Variants in CWF19L2 observed in about 807,000 individuals in gnomAD.
CWF19L2 encodes the protein CWF19 like cell cycle control factor 2.
In CWF19L2, 98 loss-of-function variants were observed where a neutral mutation model predicts 111.7. The observed-to-expected ratio is 0.88, with a 90% CI of 0.75 to 1.04. CWF19L2 has a LOEUF of 1.04. CWF19L2 is among the 50% of genes least tolerant of loss of function. CWF19L2 has a pLI of 0.00. For synonymous variants in CWF19L2, 351 were observed against 342.9 expected, an observed-to-expected ratio of 1.02 and a Z score of -0.26; for missense variants, 1,101 against 1,051.4, an observed-to-expected ratio of 1.05 and a Z score of -0.65.
intron 14 of CWF19L2, among the ~76,000 whole-genome samples, chr11:107,343,778 C>T (rs1442402080): frequency 6.6e-6 from 1 of 152,146 alleles, no homozygotes; most frequent in African/African-American, 2.4e-5. Context: ...ATTACATATA[C>T]ATACATATAT....
At chr11:107,419,306 A>T (rs1304322868) in intron 8 of CWF19L2, among the ~76,000 whole-genome samples, 3 of 152,214 alleles carry the variant, frequency 2.0e-5, no homozygotes, top group Admixed American at 6.5e-5. Context: ...TTAAAACAAA[A>T]GTTAAAAGGA....
chr11:107,433,488 TA>T (rs1277736413), intron 7 of CWF19L2, 145 bp downstream of exon 7: 6 of 336,064 alleles, frequency 1.8e-5, no homozygotes, highest in Non-Finnish European at 3.3e-5. Flanking sequence ...ACATGTTTAA[TA>T]ATAATGAAAA....
Position 107,429,311 on chromosome 11 carries a change from T to G in CWF19L2, c.921A>C (p.Leu307Phe). 1 of 1,612,024 alleles carries G rather than the reference T, an allele frequency of 6.2e-7. No homozygotes were observed. The highest frequency in any genetic ancestry group is 8.5e-7 in the Non-Finnish European group (1 of 1,178,888). Residue 307 changes from leucine to phenylalanine, a missense_variant, in exon 8 of 18, where the codon TTA becomes TTC. Physicochemically the swap from Leu to Phe is conservative, Grantham distance 22. Transcript: ENST00000282251. ...CCCTTGAACTGTTACCATATTTTACTAAGTCTGATTCTCTACTTTCTTGAC... is the reference window on the plus strand; with the variant it reads ...CCCTTGAACTGTTACCATATTTTACGAAGTCTGATTCTCTACTTTCTTGAC... Reference protein sequence around the residue: ...QNCQESRESDLVKYGNSSRDR... With the variant: ...QNCQESRESDFVKYGNSSRDR...
intron 6 of CWF19L2, 37 bp from the exon 7 acceptor site, chr11:107,433,786 T>C: frequency 1.0e-6 from 1 of 987,312 alleles, no homozygotes; most frequent in Non-Finnish European, 1.5e-6. Context: ...ATACTTTTAA[T>C]GTGGTTATCA....
At chr11:107,423,354 T>C (rs1172394223) in intron 8 of CWF19L2, among the ~76,000 whole-genome samples, 2 of 152,016 alleles carry the variant, frequency 1.3e-5, no homozygotes, top group African/African-American at 2.4e-5. Context: ...TGTGGAATTA[T>C]AGATATTACA....
chr11:107,397,369 T>G (rs1379014524), intron 10 of CWF19L2, among the ~76,000 whole-genome samples: 1 of 152,072 alleles, frequency 6.6e-6, no homozygotes, highest in Non-Finnish European at 1.5e-5. Context: ...GCATGGGAGC[T>G]GGGTGAGGCC....
At chr11:107,333,058 C>A (rs972888082) in intron 16 of CWF19L2, among the ~76,000 whole-genome samples, 2 of 148,780 alleles carry the variant, frequency 1.3e-5, no homozygotes, top group African/African-American at 5.0e-5. Context: ...GTGGAGTGAT[C>A]GTCACTGGGC....
intron 5 of CWF19L2, among the ~76,000 whole-genome samples, chr11:107,440,841 C>G (rs141482194): frequency 6.6e-6 from 1 of 151,968 alleles, no homozygotes; most frequent in Non-Finnish European, 1.5e-5. Flanking sequence ...CAGATAAATG[C>G]GAACAAAAAC....
chr11:107,349,352 A>G (rs975245939), intron 13 of CWF19L2, among the ~76,000 whole-genome samples: 3 of 152,200 alleles, frequency 2.0e-5, no homozygotes, highest in Non-Finnish European at 4.4e-5. Flanking sequence ...AGCAGAATGA[A>G]TGACACAATA....
At chr11:107,406,324 T>C (rs949364868) in intron 10 of CWF19L2, among the ~76,000 whole-genome samples, 1 of 147,084 alleles carries the variant, frequency 6.8e-6, no homozygotes, top group Non-Finnish European at 1.5e-5. Flanking sequence ...TTTCAACTTT[T>C]ATCTTTTAAA....
At chr11:107,349,138 G>C (rs1458583841) in intron 13 of CWF19L2, 85 bp from the exon 14 acceptor site, 1 of 543,984 alleles carries the variant, frequency 1.8e-6, no homozygotes, top group African/African-American at 2.0e-5. Flanking sequence ...ATTCTCAGTT[G>C]TAACAGATGA....
chr11:107,418,350 A>C lies in CWF19L2; in HGVS notation c.1434-63T>G. The C allele has an allele frequency of 1.3e-5, 13 of 1,023,878 alleles. No individual in the cohort carries two copies. The South Asian group carries it at 1.6e-4, about 13-fold the overall frequency. The allele number at this position is 1,023,878 out of a possible 1,614,324, so 63.4% of individuals were successfully genotyped here. ...AGGTGCGATGCAAGCAATAACATCA[A>C]GACTCAAATGTTATTTTAACTGACC... On this transcript the variant is annotated intron_variant, in intron 8 of 17. Coordinates refer to ENST00000282251, the MANE Select transcript of CWF19L2 (RefSeq NM_152434.3).
chr11:107,327,071 A>G lies in CWF19L2; in HGVS notation c.2542-18T>C, dbSNP rs1859772804. On this transcript the variant is annotated intron_variant, in intron 17 of 17. Transcript: ENST00000282251. Reference sequence around the variant, plus strand: ...ATGATTTCCTTTTAAAGAAAGAGAAAAGCACAAACACAAGCATGTATAAAT... The same window carrying G: ...ATGATTTCCTTTTAAAGAAAGAGAAGAGCACAAACACAAGCATGTATAAAT... 6.3e-7 allele frequency: 1 copy of G among 1,577,042 alleles called. No homozygotes were observed. Among genetic ancestry groups the G allele is most frequent in the East Asian group, 2.3e-5 (1 of 43,970 alleles).
chr11:107,343,140 G>A (rs1860029521), intron 14 of CWF19L2, among the ~76,000 whole-genome samples: 1 of 152,138 alleles, frequency 6.6e-6, no homozygotes, highest in South Asian at 2.1e-4. Flanking sequence ...CTAGTGCAAT[G>A]GTGTTTTTAA....
intron 15 of CWF19L2, among the ~76,000 whole-genome samples, chr11:107,335,825 G>C (rs986580619): frequency 4.6e-5 from 7 of 152,122 alleles, no homozygotes; most frequent in East Asian, 1.9e-4. Context: ...TATTTAAATA[G>C]AACAGATACA....
intron 3 of CWF19L2, among the ~76,000 whole-genome samples, chr11:107,453,216 T>C (rs369855732): frequency 1.3e-5 from 2 of 152,178 alleles, no homozygotes; most frequent in Non-Finnish European, 1.5e-5. Context: ...CACAGTAGAA[T>C]AGCTAAAAAT....
chr11:107,342,444 T>C (rs1860018101), intron 14 of CWF19L2, among the ~76,000 whole-genome samples: 1 of 152,170 alleles, frequency 6.6e-6, no homozygotes, highest in African/African-American at 2.4e-5. Context: ...TATTATTTAA[T>C]TTCCAAGTAT....
intron 12 of CWF19L2, among the ~76,000 whole-genome samples, chr11:107,369,965 G>T (rs1490776373): frequency 7.3e-6 from 1 of 137,924 alleles, no homozygotes; most frequent in African/African-American, 2.9e-5. Flanking sequence ...CTGGAGTGCA[G>T]TGTTGGGATT....
In CWF19L2 at chr11:107,353,517, T is replaced by C; in HGVS notation, c.2085+7A>G. The C allele has an allele frequency of 6.2e-7, 1 of 1,607,068 alleles. No individual in the cohort carries two copies. The highest frequency in any genetic ancestry group is 8.5e-7 in the Non-Finnish European group (1 of 1,174,134). On this transcript the variant is annotated splice_region_variant and intron_variant, in intron 13 of 17. Coordinates refer to ENST00000282251, the MANE Select transcript of CWF19L2 (RefSeq NM_152434.3). ...AATGTAAGCAAAGGATAATAAATAC[T>C]TCTTACCTTAACACCTATTGCAACA... is the stretch of plus-strand genomic sequence containing the variant.
Sources: gnomAD v4.1 joint callset for allele counts (sites outside exome capture counted in the v4.1 genomes callset) on GRCh38, gnomAD v4.1.1 for gene constraint, MANE v1.5 for transcripts, NCBI Gene and HGNC (gene_info 2026-07-23, HGNC 2026-07-21) for gene names.